Variants in IL20RA observed in about 807,000 individuals in gnomAD.
IL20RA encodes the protein interleukin 20 receptor subunit alpha.
In IL20RA, 29 loss-of-function variants were observed where a neutral mutation model predicts 36.5. The ratio of observed to expected loss-of-function variants is 0.79; its 90% CI spans 0.59 to 1.08. The LOEUF (loss-of-function observed/expected upper bound fraction) is 1.08. Ranked by LOEUF, IL20RA falls within the 50% of genes least tolerant of loss-of-function variation. The pLI, the probability that IL20RA is intolerant of heterozygous loss-of-function variation, is 0.00. For synonymous variants in IL20RA, 279 were observed against 267.1 expected, an observed-to-expected ratio of 1.04 and a Z score of -0.43; for missense variants, 652 against 668.4, an observed-to-expected ratio of 0.98 and a Z score of 0.27.
intron 2 of IL20RA, among the ~76,000 whole-genome samples, chr6:137,015,386 A>C (rs1396742891): frequency 2.6e-5 from 4 of 151,902 alleles, no homozygotes; most frequent in Non-Finnish European, 1.5e-5. Flanking sequence ...CTCTTCTTTG[A>C]GTTTTACCTT....
chr6:137,001,838 G>T lies in IL20RA; in HGVS notation c.1382C>A (p.Ala461Glu). 6.2e-7 allele frequency: 1 copy of T among 1,613,444 alleles called. No individual in the cohort carries two copies. Among genetic ancestry groups the T allele is most frequent in the South Asian group, 1.1e-5 (1 of 90,976 alleles). ...TPQLQDLDPL[A>E]QEHTDSEEGP... is the part of the protein sequence containing the mutation. ...CTCCTCCGAGTCTGTGTGCTCCTGC[G>T]CCAGGGGGTCTAAGTCTTGGAGCTG... is the stretch of plus-strand genomic sequence containing the variant. Residue 461 changes from alanine (A) to glutamate (E), a missense_variant, in exon 7 of 7, where the codon GCG (alanine) becomes GAG (glutamate). Ala to Glu is a moderately radical substitution (Grantham distance 107, BLOSUM62 -1). Transcript: ENST00000316649.
intron 3 of IL20RA, 102 bp from the exon 4 acceptor site, chr6:137,009,594 CTTTTTTTTTTT>C (rs3041892): frequency 3.3e-3 from 1,291 of 386,078 alleles, no homozygotes; most frequent in Middle Eastern, 3.7e-3. Flanking sequence ...AAAAGACATC[CTTTTTTTTTTT>C]TTTTTTTTTT....
At chr6:137,007,036 T>A (rs2115369305) in intron 5 of IL20RA, among the ~76,000 whole-genome samples, 1 of 152,310 alleles carries the variant, frequency 6.6e-6, no homozygotes, top group African/African-American at 2.4e-5. Flanking sequence ...TTTTTTCATA[T>A]TAGTGAGAAA....
chr6:137,014,114 C>T (rs1775590637), intron 2 of IL20RA, among the ~76,000 whole-genome samples: 1 of 152,176 alleles, frequency 6.6e-6, no homozygotes, highest in Non-Finnish European at 1.5e-5. Flanking sequence ...CTAACACTGG[C>T]TCCTGAGAAA....
At chr6:137,007,931 C>T (rs911162942) in intron 5 of IL20RA, among the ~76,000 whole-genome samples, 4 of 152,162 alleles carry the variant, frequency 2.6e-5, no homozygotes, top group Admixed American at 6.5e-5. Context: ...GTCTGATGTT[C>T]TTGAAGACCA....
At chr6:137,004,839 G>A (rs1168636727) in intron 5 of IL20RA, 79 bp from the exon 6 acceptor site, 29 of 1,326,996 alleles carry the variant, frequency 2.2e-5, no homozygotes, top group Admixed American at 4.5e-5. Flanking sequence ...GAAAAACCTC[G>A]TATCGTTAAG....
chr6:137,032,633 A>G lies in IL20RA; in HGVS notation c.88+12008T>C, dbSNP rs116008150. Among the ~76,000 whole-genome samples the G allele has an allele frequency of 2.7e-3, 416 of 152,336 alleles. 5 individuals are homozygous for G. Among genetic ancestry groups the G allele is most frequent in the African/African-American group, 9.4e-3 (390 of 41,576 alleles). On this transcript the variant is annotated intron_variant, in intron 1 of 6. Transcript: ENST00000316649. ...TTTAACTTTCAAGAAAATAATGAAT[A>G]GTATTTACTTCTGCTGATTGTTGCT...
intron 1 of IL20RA, among the ~76,000 whole-genome samples, chr6:137,025,975 C>T (rs1161279184): frequency 6.6e-6 from 1 of 152,208 alleles, no homozygotes; most frequent in Non-Finnish European, 1.5e-5. Context: ...GTGGCTGAGG[C>T]ATTTAGACTT....
At chr6:137,035,618 G>A (rs1776467105) in intron 1 of IL20RA, among the ~76,000 whole-genome samples, 2 of 152,140 alleles carry the variant, frequency 1.3e-5, no homozygotes, top group Non-Finnish European at 2.9e-5. Context: ...AAAATCACTC[G>A]AAGGATTATT....
chr6:137,000,851 G>A lies in IL20RA; in HGVS notation c.*707C>T, dbSNP rs185187932. ...ATTTTCTTTTAGGTTAGTTTTGAGA[G>A]ACAATAAGCCCCTACTAAATTATTG... On this transcript the variant is annotated 3_prime_UTR_variant, in exon 7 of 7. Coordinates refer to ENST00000316649, the MANE Select transcript of IL20RA (RefSeq NM_014432.4). The A allele has an allele frequency of 7.3e-4, 111 of 152,210 alleles. No individual in the cohort carries two copies. Among genetic ancestry groups the A allele is most frequent in the African/African-American group, 2.5e-3 (102 of 41,534 alleles). The allele number at this position is 152,210 out of a possible 1,614,324, so 9.4% of individuals were successfully genotyped here.
chr6:137,009,781 T>G (rs1172438533), intron 3 of IL20RA, among the ~76,000 whole-genome samples: 1 of 152,010 alleles, frequency 6.6e-6, no homozygotes, highest in Non-Finnish European at 1.5e-5. Context: ...AATTTTTGTA[T>G]TTTTAGTAGA....
intron 1 of IL20RA, among the ~76,000 whole-genome samples, chr6:137,035,647 G>A (rs1362586470): frequency 3.3e-5 from 5 of 152,140 alleles, no homozygotes; most frequent in Non-Finnish European, 5.9e-5. Flanking sequence ...ACACTGAGTC[G>A]GGATATAGTT....
chr6:137,011,364 C>T lies in IL20RA; in HGVS notation c.313G>A (p.Glu105Lys), dbSNP rs1431256183. ...CDLSAETSDY[E>K]HQYYAKVKAI... ...TTAACTTTGGCATAATACTGGTGTTCGTAGTCAGAAGTTTCAGCAGAAAGA... is the reference window on the plus strand; with the variant it reads ...TTAACTTTGGCATAATACTGGTGTTTGTAGTCAGAAGTTTCAGCAGAAAGA... Residue 105 changes from glutamate (E) to lysine (K), a missense_variant, in exon 3 of 7, where the codon GAA becomes AAA. Coordinates refer to ENST00000316649, the MANE Select transcript of IL20RA (RefSeq NM_014432.4). 6.8e-6 allele frequency: 11 copies of T among 1,613,390 alleles called. No homozygotes were observed. Among genetic ancestry groups the T allele is most frequent in the Middle Eastern group, 1.6e-4 (1 of 6,084 alleles).
At chr6:137,024,380 A>G (rs1480411165) in intron 1 of IL20RA, among the ~76,000 whole-genome samples, 1 of 152,246 alleles carries the variant, frequency 6.6e-6, no homozygotes, top group African/African-American at 2.4e-5. Context: ...TGCTATCAGG[A>G]AATGTGTGCC....
chr6:137,006,620 G>A (rs1329136767), intron 5 of IL20RA, among the ~76,000 whole-genome samples: 1 of 152,122 alleles, frequency 6.6e-6, no homozygotes, highest in Non-Finnish European at 1.5e-5. Context: ...CAGAAAGCAG[G>A]TCCTCACACC....
At chr6:137,002,615 T>C (rs930963449) in intron 6 of IL20RA, among the ~76,000 whole-genome samples, 1 of 152,186 alleles carries the variant, frequency 6.6e-6, no homozygotes, top group Admixed American at 6.5e-5. Context: ...GGCTGGGGCG[T>C]TGGTGCCCCC....
In IL20RA at chr6:137,009,594, CTTTTTTTTTTTTTTTTT is replaced by C. The variant is rs3041892; in HGVS notation, c.404-119_404-103del. ...TTGGATCAAGGCCCTAAAAGACATC[CTTTTTTTTTTTTTTTTT>C]TTTTTTTTTTTTGAGATGGAGTCTT... is the stretch of plus-strand genomic sequence containing the variant. On this transcript the variant is annotated intron_variant, in intron 3 of 6. Coordinates refer to ENST00000316649, the MANE Select transcript of IL20RA (RefSeq NM_014432.4). The C allele has an allele frequency of 2.5e-3, 969 of 388,120 alleles. 2 individuals are homozygous for C. The highest frequency in any genetic ancestry group is 3.4e-3 in the Non-Finnish European group (781 of 232,450). 24.0% of individuals were successfully genotyped at this position (388,120 alleles called of 1,614,324 possible).
At chr6:137,017,187 G>C in intron 1 of IL20RA, 84 bp from the exon 2 acceptor site, 1 of 1,094,310 alleles carries the variant, frequency 9.1e-7, no homozygotes, top group Non-Finnish European at 1.4e-6. Context: ...TCCAGAGATG[G>C]CCCCCAATAC....
intron 1 of IL20RA, among the ~76,000 whole-genome samples, chr6:137,021,048 T>C (rs959990088): frequency 6.8e-6 from 1 of 147,612 alleles, no homozygotes; most frequent in African/African-American, 2.4e-5. Context: ...TTGAAACCTT[T>C]TTTTTTTTTT....
Sources: allele counts gnomAD v4.1 joint callset (sites outside exome capture counted in the v4.1 genomes callset), GRCh38; gene constraint gnomAD v4.1.1; transcripts MANE v1.5; gene names NCBI Gene and HGNC (gene_info 2026-07-23, HGNC 2026-07-21).